FAM118A: variants seen among roughly 807,000 people sequenced by gnomAD.
FAM118A encodes protein FAM118A.
Under a neutral mutation model 38.2 loss-of-function variants are expected in FAM118A, and 25 were observed. The ratio of observed to expected loss-of-function variants is 0.65; its 90% CI spans 0.48 to 0.91. FAM118A has a LOEUF of 0.91. FAM118A is among the 40% of genes least tolerant of loss of function. The probability of loss-of-function intolerance (pLI) is 0.00; values close to 1 mark genes in which losing one functional copy is unlikely to be tolerated. For missense variants in FAM118A, 425 were observed against 463.3 expected (o/e 0.92, Z 0.76); for synonymous variants, 178 against 184.1 (o/e 0.97, Z 0.27).
In FAM118A at chr22:45,340,695, G is replaced by A. The variant is rs144958916; in HGVS notation, c.*290G>A. ...GGGAAGGGATGGACCTGGTGTTCCC[G>A]TTCCCATCTGACAGGCTCTCTTTTG... On this transcript the variant is annotated 3_prime_UTR_variant, in exon 9 of 9. Coordinates refer to ENST00000441876, the MANE Select transcript of FAM118A (RefSeq NM_017911.4). 6 of 470,494 alleles carry A rather than the reference G, an allele frequency of 1.3e-5. No homozygotes were observed. Among genetic ancestry groups the A allele is most frequent in the Admixed American group, 7.3e-5 (2 of 27,310 alleles). The allele number at this position is 470,494 out of a possible 1,614,324, so 29.1% of individuals were successfully genotyped here.
intron 1 of FAM118A, among the ~76,000 whole-genome samples, chr22:45,314,339 C>T (rs1006398227): frequency 1.0e-4 from 15 of 147,874 alleles, no homozygotes; most frequent in Admixed American, 9.7e-4. Context: ...TCAACATTTC[C>T]GGGGAAGGAG....
rs777103664 is a variant in FAM118A at position 45,322,429 on chromosome 22, A to T, written c.47+3A>T. 1 of 1,609,164 alleles carries T rather than the reference A, an allele frequency of 6.2e-7. No individual in the cohort carries two copies. On this transcript the variant is annotated splice_donor_region_variant and intron_variant, in intron 2 of 8. Coordinates refer to ENST00000441876, the MANE Select transcript of FAM118A (RefSeq NM_017911.4). Reference sequence around the variant, plus strand: ...AATAGAAGTGAACAAAAATCCAGGTAATTAAAGGCAACTATACCTTCAAGC... The same window carrying T: ...AATAGAAGTGAACAAAAATCCAGGTTATTAAAGGCAACTATACCTTCAAGC...
At position 45,312,216 on chromosome 22, in the gene FAM118A, A is replaced by T. The variant is rs532891143; in HGVS notation, c.-10+2033A>T. Among the ~76,000 whole-genome samples, 360 of 152,298 alleles carry T rather than the reference A, an allele frequency of 2.4e-3. 1 individual carries two copies. Among genetic ancestry groups the T allele is most frequent in the Non-Finnish European group, 3.7e-3 (255 of 68,022 alleles). On this transcript the variant is annotated intron_variant, in intron 1 of 8. Coordinates refer to ENST00000441876, the MANE Select transcript of FAM118A (RefSeq NM_017911.4). Reference sequence around the variant, plus strand: ...AAGAGACACCAACTGGGTATCTTCCAATTCAGTTCTGATACTACCTGGAGA... The same window carrying T: ...AAGAGACACCAACTGGGTATCTTCCTATTCAGTTCTGATACTACCTGGAGA...
At chr22:45,313,080 G>A (rs192418844) in intron 1 of FAM118A, among the ~76,000 whole-genome samples, 9 of 152,088 alleles carry the variant, frequency 5.9e-5, no homozygotes, top group South Asian at 2.1e-4. Context: ...GCCTATCTGC[G>A]TCAATCAGCT....
At chr22:45,322,323 CTT>C in intron 1 of FAM118A, 46 bp from the exon 2 acceptor site, 1 of 1,591,914 alleles carries the variant, frequency 6.3e-7, no homozygotes, top group Non-Finnish European at 8.6e-7. Context: ...CAAATAAAAA[CTT>C]TTACCTGGGA....
intron 1 of FAM118A, among the ~76,000 whole-genome samples, chr22:45,312,143 A>G (rs2084397177): frequency 1.3e-5 from 2 of 152,116 alleles, no homozygotes; most frequent in South Asian, 4.1e-4. Context: ...CTGTGACCAA[A>G]TGTGAGGAGA....
At chr22:45,314,099 G>T (rs112810456) in intron 1 of FAM118A, among the ~76,000 whole-genome samples, 6 of 152,262 alleles carry the variant, frequency 3.9e-5, no homozygotes, top group East Asian at 1.9e-4. Context: ...GGCTGTTGCT[G>T]CTGTATCCTA....
rs557406042 is a variant in FAM118A, at chr22:45,340,767, CA to C, written c.*364del. 1,799 of 305,292 alleles carry C rather than the reference CA, an allele frequency of 5.9e-3. 11 individuals carry two copies. The highest frequency in any genetic ancestry group is 9.0e-3 in the Non-Finnish European group (1,490 of 165,558). The allele number at this position is 305,292 out of a possible 1,614,324, so 18.9% of individuals were successfully genotyped here. ...TAAAAGGGGAAGAGTAAAGACTGTCCAAGCAACAGTAGCTGCCAAAGAGAAA... is the reference window on the plus strand; with the variant it reads ...TAAAAGGGGAAGAGTAAAGACTGTCCAGCAACAGTAGCTGCCAAAGAGAAA... On this transcript the variant is annotated 3_prime_UTR_variant, in exon 9 of 9. Transcript: ENST00000441876.
intron 1 of FAM118A, chr22:45,321,652 A>G (rs755447524): frequency 6.5e-6 from 1 of 153,718 alleles, no homozygotes; most frequent in African/African-American, 2.4e-5. Context: ...CCTGAGTTCA[A>G]GCAGTCCACC....
chr22:45,326,893 C>T (rs1229752881), intron 3 of FAM118A, among the ~76,000 whole-genome samples: 2 of 149,560 alleles, frequency 1.3e-5, no homozygotes, highest in African/African-American at 4.9e-5. Flanking sequence ...ACCTATAGTC[C>T]CAGCTACTTG....
At chr22:45,328,581 A>G (rs1383764010) in intron 4 of FAM118A, 3 of 665,026 alleles carry the variant, frequency 4.5e-6, no homozygotes, top group African/African-American at 3.6e-5. Flanking sequence ...GAAATGAGCT[A>G]TGATCATGCC....
chr22:45,323,384 A>T lies in FAM118A; in HGVS notation c.257A>T (p.Asp86Val), dbSNP rs1319716629. 1 of 1,614,020 alleles carries T rather than the reference A, an allele frequency of 6.2e-7. No homozygotes were observed. Among genetic ancestry groups the T allele is most frequent in the East Asian group, 2.2e-5 (1 of 44,894 alleles). The change falls in exon 3 of 9, where the codon GAC (aspartate) becomes GTC (valine). Residue 86 changes from aspartate to valine, a missense_variant. Coordinates refer to ENST00000441876, the MANE Select transcript of FAM118A (RefSeq NM_017911.4). ...CGGAGGAAAGTGACAAAGGACCGGG[A>T]CCTGTTGGTTGTCGCCCATGATCTG... ...EFRRKVTKDRDLLVVAHDLIR... is the reference protein window; with the variant it reads ...EFRRKVTKDRVLLVVAHDLIR...
intron 8 of FAM118A, among the ~76,000 whole-genome samples, chr22:45,337,196 C>T (rs2086166991): frequency 6.6e-6 from 1 of 152,244 alleles, no homozygotes; most frequent in Admixed American, 6.5e-5. Flanking sequence ...CTGGCTTCCC[C>T]GTTTTGTCGG....
chr22:45,315,499 C>T (rs1406637823), intron 1 of FAM118A, among the ~76,000 whole-genome samples: 1 of 152,178 alleles, frequency 6.6e-6, no homozygotes, highest in African/African-American at 2.4e-5. Context: ...TTGAGAGTAA[C>T]AGACACTGTA....
intron 4 of FAM118A, chr22:45,329,546 A>G (rs2085551504): frequency 6.6e-6 from 1 of 152,252 alleles, no homozygotes; most frequent in Non-Finnish European, 1.5e-5. Context: ...TATGTTATTC[A>G]TAACTAACAC....
At chr22:45,338,954 G>T (rs1373466476) in intron 8 of FAM118A, among the ~76,000 whole-genome samples, 1 of 152,214 alleles carries the variant, frequency 6.6e-6, no homozygotes, top group East Asian at 1.9e-4. Context: ...CCTGCAGAGT[G>T]AATTATAGCA....
At chr22:45,325,207 A>C (rs1440046454) in intron 3 of FAM118A, among the ~76,000 whole-genome samples, 6 of 152,168 alleles carry the variant, frequency 3.9e-5, no homozygotes, top group African/African-American at 1.4e-4. Flanking sequence ...TTTGTCTAGA[A>C]TGAGAATCGT....
rs772943794 is a variant in FAM118A, at chr22:45,335,395, TTTC to T, written c.970+19_970+21del. 1.2e-5 allele frequency: 19 copies of T among 1,614,056 alleles called. No homozygotes were observed. Among genetic ancestry groups the T allele is most frequent in the Non-Finnish European group, 1.6e-5 (19 of 1,179,982 alleles). ...ACCACATTATTGGGTAAAGCAGATC[TTTC>T]TTCTTGCCAGCCTGTTTTTTGCCTA... is the stretch of plus-strand genomic sequence containing the variant. On this transcript the variant is annotated intron_variant, in intron 7 of 8. Transcript: ENST00000441876.
At chr22:45,321,447 T>C (rs2084873052) in intron 1 of FAM118A, among the ~76,000 whole-genome samples, 1 of 152,226 alleles carries the variant, frequency 6.6e-6, no homozygotes, top group Admixed American at 6.5e-5. Context: ...GGTCTCACCC[T>C]GTTGCCCAGG....
Sources: gnomAD v4.1 joint callset for allele counts (sites outside exome capture counted in the v4.1 genomes callset) on GRCh38, gnomAD v4.1.1 for gene constraint, MANE v1.5 for transcripts, NCBI Gene and HGNC (gene_info 2026-07-23, HGNC 2026-07-21) for gene names.